The following MCF2 variants were observed in gnomAD, a reference collection of about 807,000 sequenced individuals.
MCF2 encodes MCF.2 cell line derived transforming sequence.
In MCF2, 44 loss-of-function variants were observed where a neutral mutation model predicts 82.5. That is an observed-to-expected ratio of 0.53 (90% confidence interval 0.42 to 0.69). The LOEUF (loss-of-function observed/expected upper bound fraction) is 0.69, where lower values mean the gene tolerates loss of function less well. Among genes scored for constraint, MCF2 ranks in the 30% least tolerant of loss-of-function variants. The probability of loss-of-function intolerance (pLI) is 0.00; values close to 1 mark genes in which losing one functional copy is unlikely to be tolerated. For missense variants in MCF2, 623 were observed against 663.1 expected, an observed-to-expected ratio of 0.94 and a Z score of 0.66; for synonymous variants, 217 against 224.9, an observed-to-expected ratio of 0.96 and a Z score of 0.32.
intron 1 of MCF2, among the ~76,000 whole-genome samples, chrX:139,682,753 C>G (rs940871822): frequency 8.9e-6 from 1 of 111,978 alleles, no homozygotes; most frequent in Non-Finnish European, 1.9e-5. Context: ...CCTACACAGA[C>G]GTGCCTGCCA....
intron 1 of MCF2, among the ~76,000 whole-genome samples, chrX:139,664,980 A>G (rs1406126241): frequency 1.8e-5 from 2 of 111,115 alleles, no homozygotes; most frequent in Non-Finnish European, 3.8e-5. Flanking sequence ...TGGGAGCTAG[A>G]GCCTGGAATG....
chrX:139,582,178 G>A (rs2148374753), exon 25 of MCF2: 1 of 368,577 alleles, frequency 2.7e-6, no homozygotes, highest in Non-Finnish European at 4.7e-6. Context: ...GATTGCATTT[G>A]GTTACAAAGT....
intron 3 of MCF2, 97 bp downstream of exon 6, chrX:139,631,298 T>C (rs1196763095): frequency 2.2e-6 from 1 of 450,605 alleles, no homozygotes; most frequent in Non-Finnish European, 3.5e-6. Flanking sequence ...TGTTTTGTTT[T>C]GTTTTGTTTT....
At chrX:139,594,335 G>C (rs890796390) in intron 19 of MCF2, among the ~76,000 whole-genome samples, 19 of 111,394 alleles carry the variant, frequency 1.7e-4, no homozygotes, top group Admixed American at 1.5e-3. Flanking sequence ...ATACTACAAG[G>C]CTACACTAAC....
intron 1 of MCF2, among the ~76,000 whole-genome samples, chrX:139,702,892 C>T (rs1935525345): frequency 8.9e-6 from 1 of 112,186 alleles, no homozygotes; most frequent in African/African-American, 3.2e-5. Flanking sequence ...GTTGAGAAGG[C>T]TGCCAGATAA....
At chrX:139,698,237 A>G (rs1354936497) in intron 1 of MCF2, among the ~76,000 whole-genome samples, 3 of 113,029 alleles carry the variant, frequency 2.7e-5, no homozygotes, top group Non-Finnish European at 5.6e-5. Context: ...ATGCAATTAT[A>G]CTTGTAATAG....
At chrX:139,641,658 T>C (rs1933575278) in intron 1 of MCF2, among the ~76,000 whole-genome samples, 2 of 111,491 alleles carry the variant, frequency 1.8e-5, no homozygotes, top group African/African-American at 3.3e-5. Flanking sequence ...TATATTAATC[T>C]TTGAAAGAAA....
intron 10 of MCF2, 59 bp downstream of exon 13, chrX:139,614,820 CAA>C: frequency 2.0e-6 from 2 of 1,010,726 alleles, no homozygotes; most frequent in Admixed American, 2.6e-5. Flanking sequence ...GTATTTACAT[CAA>C]GAGTAACAAT....
At chrX:139,602,268 G>T (rs775307588) in intron 16 of MCF2, 138 bp downstream of exon 20, 8 of 492,448 alleles carry the variant, frequency 1.6e-5, no homozygotes, top group African/African-American at 1.5e-4. Context: ...TGTGTTGGGG[G>T]GGAGGGTGGA....
At chrX:139,691,996 C>T in intron 1 of MCF2, 1 of 1,166,008 alleles carries the variant, frequency 8.6e-7, no homozygotes, top group African/African-American at 1.8e-5. Context: ...AGGGCCATGG[C>T]CATGTCCACC....
At chrX:139,674,978 T>C (rs1934822255) in intron 1 of MCF2, among the ~76,000 whole-genome samples, 1 of 112,272 alleles carries the variant, frequency 8.9e-6, no homozygotes, top group African/African-American at 3.2e-5. Context: ...GTAGATTTGG[T>C]CTTTTCACAT....
At chrX:139,631,243 T>G in intron 3 of MCF2, 152 bp downstream of exon 6, 1 of 413,924 alleles carries the variant, frequency 2.4e-6, no homozygotes, top group Middle Eastern at 4.8e-4. Context: ...GATGTTGAAT[T>G]TATATGTATG....
intron 1 of MCF2, among the ~76,000 whole-genome samples, chrX:139,692,463 T>G (rs1935296299): frequency 9.0e-6 from 1 of 111,644 alleles, no homozygotes; most frequent in African/African-American, 3.2e-5. Context: ...CAACTCTCCC[T>G]GGGTGCGCAC....
intron 2 of MCF2, among the ~76,000 whole-genome samples, chrX:139,632,129 T>C (rs1194837074): frequency 9.0e-6 from 1 of 111,444 alleles, no homozygotes; most frequent in African/African-American, 3.3e-5. Context: ...TTTGCAAAAG[T>C]AATTGCTTTG....
At chrX:139,586,793 G>A (rs1045327271) in intron 22 of MCF2, among the ~76,000 whole-genome samples, 1 of 111,284 alleles carries the variant, frequency 9.0e-6, no homozygotes, top group African/African-American at 3.3e-5. Flanking sequence ...AATGAATTAG[G>A]TAAGTTGTTG....
intron 6 of MCF2, among the ~76,000 whole-genome samples, chrX:139,622,322 C>T (rs1326249958): frequency 6.8e-4 from 76 of 111,513 alleles, no homozygotes; most frequent in African/African-American, 2.1e-3. Context: ...GTCAGTGTGG[C>T]GATTCCTCAG....
intron 1 of MCF2, among the ~76,000 whole-genome samples, chrX:139,659,868 C>T (rs926250304): frequency 8.9e-6 from 1 of 112,123 alleles, no homozygotes; most frequent in Non-Finnish European, 1.9e-5. Context: ...TGAACAATCG[C>T]TACCATTTGC....
chrX:139,685,351 C>T (rs766468772), intron 1 of MCF2, among the ~76,000 whole-genome samples: 2 of 110,676 alleles, frequency 1.8e-5, no homozygotes, highest in Non-Finnish European at 3.8e-5. Flanking sequence ...CAGCCCGGCG[C>T]CACACCCTGG....
In MCF2 at chrX:139,692,368, C is replaced by G. The variant is rs1248662936; in HGVS notation, c.-45+15738G>C. Among the ~76,000 whole-genome samples the G allele has an allele frequency of 2.7e-5, 3 of 110,014 alleles. No individual in the cohort carries two copies. In the Admixed American group the frequency reaches 2.8e-4, roughly 10 times the overall value. ...TAGTAGGGACAGAGGCGCAGAGGCC[C>G]GAGAGCTCCGCGCGCGCGGAGTCCA... On this transcript the variant is annotated intron_variant, in intron 1 of 27. Transcript: ENST00000414978.
Sources: allele counts gnomAD v4.1 joint callset (sites outside exome capture counted in the v4.1 genomes callset), GRCh38; gene constraint gnomAD v4.1.1; transcripts MANE v1.5; gene names NCBI Gene and HGNC (gene_info 2026-07-23, HGNC 2026-07-21).